Variants in HSPA12A observed in about 807,000 individuals in gnomAD.
HSPA12A encodes the protein heat shock 70 kDa protein 12A.
HSPA12A carries 28 observed loss-of-function variants against 69.2 expected under a neutral mutation model. The ratio of observed to expected loss-of-function variants is 0.40; its 90% CI spans 0.30 to 0.55. HSPA12A has a LOEUF of 0.55. HSPA12A is among the 20% of genes least tolerant of loss of function. The probability of loss-of-function intolerance (pLI) is 0.38; values close to 1 mark genes in which losing one functional copy is unlikely to be tolerated. For missense variants in HSPA12A, 686 were observed against 900.7 expected, an observed-to-expected ratio of 0.76 and a Z score of 3.05; for synonymous variants, 345 against 370.5, an observed-to-expected ratio of 0.93 and a Z score of 0.79.
At chr10:116,689,966 T>C (rs1554879966) in intron 6 of HSPA12A, among the ~76,000 whole-genome samples, 1 of 152,230 alleles carries the variant, frequency 6.6e-6, no homozygotes, top group Non-Finnish European at 1.5e-5. Context: ...TTGATTTAAA[T>C]GTTGAACTTT....
chr10:116,741,808 C>G (rs1554887203), intron 1 of HSPA12A, among the ~76,000 whole-genome samples: 1 of 152,222 alleles, frequency 6.6e-6, no homozygotes, highest in Non-Finnish European at 1.5e-5. Context: ...CCATCGAACC[C>G]CCGCCGCTTC....
At chr10:116,849,188 GAGCGCGCGACCCC>G (rs1304635963) in intron 1 of HSPA12A, among the ~76,000 whole-genome samples, 1 of 152,208 alleles carries the variant, frequency 6.6e-6, no homozygotes, top group African/African-American at 2.4e-5. Flanking sequence ...ACTGGGACCC[GAGCGCGCGACCCC>G]AGCCGGAATT....
chr10:116,721,439 C>G (rs1284996597), intron 1 of HSPA12A, among the ~76,000 whole-genome samples: 3 of 152,182 alleles, frequency 2.0e-5, no homozygotes, highest in Non-Finnish European at 4.4e-5. Flanking sequence ...ATGAGGCCAG[C>G]AGGGTGCCCC....
chr10:116,826,049 C>T (rs1338945944), intron 2 of HSPA12A, among the ~76,000 whole-genome samples: 3 of 152,158 alleles, frequency 2.0e-5, no homozygotes, highest in Non-Finnish European at 4.4e-5. Context: ...ATTCCATTCT[C>T]TGTGTGGCCC....
intron 2 of HSPA12A, among the ~76,000 whole-genome samples, chr10:116,774,041 G>A (rs1844275147): frequency 1.3e-5 from 2 of 150,092 alleles, no homozygotes; most frequent in African/African-American, 2.5e-5. Context: ...ACGGAGTCTC[G>A]CTCTGTCCCC....
chr10:116,681,833 C>A lies in HSPA12A; in HGVS notation c.880G>T (p.Val294Leu), dbSNP rs1220394579. Residue 294 changes from valine (V) to leucine (L), a missense_variant, in exon 8 of 12, where the codon GTG becomes TTG. By Grantham distance (32) the Val-to-Leu change is conservative. Transcript: ENST00000369209. ...RRNRQSRTFL[V>L]ENVIGEIWSE... ...CAGATTTCTCCTATGACATTCTCCA[C>A]CAAAAAGGTCCGACTCTGCCGATTA... 6.2e-7 allele frequency: 1 copy of A among 1,614,026 alleles called. No individual in the cohort carries two copies. Among genetic ancestry groups the A allele is most frequent in the Non-Finnish European group, 8.5e-7 (1 of 1,180,002 alleles).
chr10:116,814,523 A>G (rs1183381017), intron 2 of HSPA12A, among the ~76,000 whole-genome samples: 1 of 152,222 alleles, frequency 6.6e-6, no homozygotes, highest in African/African-American at 2.4e-5. Context: ...ACTCCAGCCA[A>G]TAATGGGTTT....
rs371127167 is a variant in HSPA12A, at chr10:116,683,900, G to A, written c.726C>T (p.Ala242=). The change falls in exon 7 of 12, where the codon GCC becomes GCT. Residue 242 remains alanine, a synonymous_variant. Coordinates refer to ENST00000369209, the MANE Select transcript of HSPA12A (RefSeq NM_025015.3). ...QLIIALEPEA[A]SIYCRKLRLH... ...GCCGCAGCTTTCGGCAGTAGATAGA[G>A]GCTGCCTCAGGCTCCAAGGCAATGA... 3.1e-6 allele frequency: 5 copies of A among 1,596,524 alleles called. No homozygotes were observed. The African/African-American group carries it at 6.7e-5, about 21-fold the overall frequency.
upstream of HSPA12A, among the ~76,000 whole-genome samples, chr10:116,745,836 C>A (rs1164728800): frequency 6.6e-6 from 1 of 152,168 alleles, no homozygotes; most frequent in Non-Finnish European, 1.5e-5. Context: ...GCACTTATCA[C>A]AACAACTCCA....
At chr10:116,682,391 G>A (rs1554878738) in intron 7 of HSPA12A, among the ~76,000 whole-genome samples, 1 of 149,864 alleles carries the variant, frequency 6.7e-6, no homozygotes, top group African/African-American at 2.5e-5. Context: ...CCAAATCAAG[G>A]AATTTTGTCT....
rs1008443787 is a variant in HSPA12A, at chr10:116,681,007, G to A, written c.1027+145C>T. 54 of 583,860 alleles carry A rather than the reference G, an allele frequency of 9.2e-5. No individual in the cohort carries two copies. The African/African-American group carries it at 9.6e-4, about 10-fold the overall frequency. The allele number at this position is 583,860 out of a possible 1,614,324, so 36.2% of individuals were successfully genotyped here. On this transcript the variant is annotated intron_variant, in intron 9 of 11. Transcript: ENST00000369209. ...ATTGCATTTTGCTTTCCAATTTCAA[G>A]CAGACATTAGTATCCTCCACCGCCT...
chr10:116,692,523 G>T, intron 5 of HSPA12A, 56 bp from the exon 6 acceptor site: 1 of 1,377,994 alleles, frequency 7.3e-7, no homozygotes, highest in Non-Finnish European at 1.0e-6. Context: ...TCCTGGAGCA[G>T]CCTCCTGTGG....
At chr10:116,816,378 C>T (rs1340454846) in intron 2 of HSPA12A, among the ~76,000 whole-genome samples, 2 of 152,280 alleles carry the variant, frequency 1.3e-5, no homozygotes, top group Admixed American at 6.5e-5. Flanking sequence ...GCATACGGGG[C>T]AGAGAATGTT....
rs1849397247 is a variant in HSPA12A at position 116,681,388 on chromosome 10, TAGC to T, written c.923-135_923-133del. On this transcript the variant is annotated intron_variant, in intron 8 of 11. Transcript: ENST00000369209. ...TCATTAGCACAATGGTTTTGCTAATTAGCAGCTCTAGGAGTTAACCATGACCAA... is the reference window on the plus strand; with the variant it reads ...TCATTAGCACAATGGTTTTGCTAATTAGCTCTAGGAGTTAACCATGACCAA... 3 of 692,686 alleles carry T rather than the reference TAGC, an allele frequency of 4.3e-6. No homozygotes were observed. In the Admixed American group the frequency reaches 6.2e-5, roughly 14 times the overall value. The allele number at this position is 692,686 out of a possible 1,614,324, so 42.9% of individuals were successfully genotyped here.
intron 2 of HSPA12A, among the ~76,000 whole-genome samples, chr10:116,820,387 C>A (rs943073853): frequency 6.6e-6 from 1 of 152,046 alleles, no homozygotes; most frequent in Non-Finnish European, 1.5e-5. Context: ...ACTGTGATCA[C>A]CTGGTCAGGG....
intron 1 of HSPA12A, among the ~76,000 whole-genome samples, chr10:116,732,230 T>G (rs1186940050): frequency 6.6e-6 from 1 of 151,342 alleles, no homozygotes; most frequent in African/African-American, 2.4e-5. Context: ...TTCCAGAGGC[T>G]GAGACAGGAG....
intron 2 of HSPA12A, among the ~76,000 whole-genome samples, chr10:116,705,893 CTTT>C (rs369606540): frequency 1.6e-4 from 19 of 115,638 alleles, no homozygotes; most frequent in Admixed American, 1.2e-3. Context: ...TCTCTCTCTC[CTTT>C]TTTTTTTTTT....
At chr10:116,779,503 C>T (rs1407106386) in intron 2 of HSPA12A, among the ~76,000 whole-genome samples, 1 of 152,190 alleles carries the variant, frequency 6.6e-6, no homozygotes, top group African/African-American at 2.4e-5. Flanking sequence ...CCTGATGAGA[C>T]ATGAGGGCAG....
intron 2 of HSPA12A, among the ~76,000 whole-genome samples, chr10:116,812,295 A>T (rs972050938): frequency 7.9e-5 from 12 of 152,110 alleles, no homozygotes; most frequent in African/African-American, 2.7e-4. Flanking sequence ...TGTATTAAAA[A>T]TACAAAAATT....
Sources: allele counts gnomAD v4.1 joint callset (sites outside exome capture counted in the v4.1 genomes callset), GRCh38; gene constraint gnomAD v4.1.1; transcripts MANE v1.5; gene names NCBI Gene and HGNC (gene_info 2026-07-23, HGNC 2026-07-21).